The following CCDC71 variants were observed in gnomAD, a reference collection of about 807,000 sequenced individuals.
The protein encoded by CCDC71 is coiled-coil domain containing 71.
For synonymous variants in CCDC71, 257 were observed against 242.2 expected, an observed-to-expected ratio of 1.06 and a Z score of -0.57; for missense variants, 594 against 604.0, an observed-to-expected ratio of 0.98 and a Z score of 0.17.
Position 49,163,592 on chromosome 3 carries a change from G to C in CCDC71, c.617C>G (p.Ala206Gly), listed in dbSNP as rs1162762294. 5.0e-6 allele frequency: 8 copies of C among 1,614,242 alleles called. No homozygotes were observed. The highest frequency in any genetic ancestry group is 6.8e-6 in the Non-Finnish European group (8 of 1,180,044). ...HKAQSLQLSL[A>G]DSPLKLRKSS... ...TTTCCGCAGTTTCAGAGGAGAGTCT[G>C]CAAGTGAGAGCTGCAGTGACTGTGC... The change falls in exon 2 of 2, where the codon GCA becomes GGA. Residue 206 changes from alanine to glycine, a missense_variant. Coordinates refer to ENST00000321895, the MANE Select transcript of CCDC71 (RefSeq NM_022903.4).
In CCDC71 at chr3:49,163,913, G is replaced by A. The variant is rs2045708437; in HGVS notation, c.296C>T (p.Pro99Leu). The A allele has an allele frequency of 6.2e-7, 1 of 1,614,112 alleles. No individual in the cohort carries two copies. Among genetic ancestry groups the A allele is most frequent in the Non-Finnish European group, 8.5e-7 (1 of 1,180,052 alleles). ...CATGGCAGTTCGGGGAGCACTGGCT[G>A]GAGGTGATGTGGCAGTTGGGTTAGG... ...RAPNPTATSP[P>L]ASAPRTAMRL... The change falls in exon 2 of 2, where the codon CCA becomes CTA. Residue 99 changes from proline (P) to leucine (L), a missense_variant. Coordinates refer to ENST00000321895, the MANE Select transcript of CCDC71 (RefSeq NM_022903.4).
rs1018667917 is a variant in CCDC71 at position 49,166,235 on chromosome 3, G to C, written c.-53+32C>G. On this transcript the variant is annotated intron_variant, in intron 1 of 1. Coordinates refer to ENST00000321895, the MANE Select transcript of CCDC71 (RefSeq NM_022903.4). The surrounding 1 kb of genome is among the most constrained non-coding windows in gnomAD (Gnocchi z 4.0). ...CTGCCGCCTCGCGGGCCGCCCCTCC[G>C]CGGCGCGGCTAGGCCCGCGGCTCCA... 413 of 152,034 alleles carry C rather than the reference G, an allele frequency of 2.7e-3. 3 individuals are homozygous for C. The highest frequency in any genetic ancestry group is 9.3e-3 in the African/African-American group (385 of 41,530). The allele number at this position is 152,034 out of a possible 1,614,324, so 9.4% of individuals were successfully genotyped here.
Position 49,166,281 on chromosome 3 carries a change from G to A in CCDC71, c.-67C>T, listed in dbSNP as rs995534841. On this transcript the variant is annotated 5_prime_UTR_variant, in exon 1 of 2. Transcript: ENST00000321895. The surrounding 1 kb of genome is among the most constrained non-coding windows in gnomAD (Gnocchi z 4.0). ...CTCCAACCTACCGGCGCCGCCGCGGGGACCCAAGACGCGCCTCTGCGCCGC... is the reference window on the plus strand; with the variant it reads ...CTCCAACCTACCGGCGCCGCCGCGGAGACCCAAGACGCGCCTCTGCGCCGC... 1.3e-5 allele frequency: 2 copies of A among 152,124 alleles called. No individual in the cohort carries two copies. Among genetic ancestry groups the A allele is most frequent in the Admixed American group, 6.5e-5 (1 of 15,268 alleles). 9.4% of individuals were successfully genotyped at this position (152,124 alleles called of 1,614,324 possible).
intron 1 of CCDC71, among the ~76,000 whole-genome samples, chr3:49,164,764 A>G (rs1046996799): frequency 2.0e-4 from 31 of 152,228 alleles, no homozygotes; most frequent in African/African-American, 7.0e-4. Flanking sequence ...TGAATGAAAA[A>G]TGATTAGATG....
At position 49,162,808 on chromosome 3, in the gene CCDC71, G is replaced by A; in HGVS notation, c.1401C>T (p.Val467=). 6.2e-7 allele frequency: 1 copy of A among 1,612,906 alleles called. No individual in the cohort carries two copies. The highest frequency in any genetic ancestry group is 8.5e-7 in the Non-Finnish European group (1 of 1,179,228). The change falls in exon 2 of 2, where the codon GTC becomes GTT. Residue 467 remains valine (V), a synonymous_variant. Coordinates refer to ENST00000321895, the MANE Select transcript of CCDC71 (RefSeq NM_022903.4). ...CAAACATTGCCGTGTGAAGGAATCAGACTGCTGAATATGGCAGCAATGGCT... is the reference window on the plus strand; with the variant it reads ...CAAACATTGCCGTGTGAAGGAATCAAACTGCTGAATATGGCAGCAATGGCT... ...RLQPLLPYSA[V]
rs540954271 is a variant in CCDC71, at chr3:49,163,062, G to T, written c.1147C>A (p.Pro383Thr). The change falls in exon 2 of 2, where the codon CCT becomes ACT. Residue 383 changes from proline to threonine, a missense_variant. Transcript: ENST00000321895. Reference protein sequence around the residue: ...RTTRKGQKNRPETVGQKRKRA... With the variant: ...RTTRKGQKNRTETVGQKRKRA... Reference sequence around the variant, plus strand: ...TTCCTCTTCTGCCCAACAGTCTCAGGGCGGTTTTTCTGGCCCTTCCTTGTA... The same window carrying T: ...TTCCTCTTCTGCCCAACAGTCTCAGTGCGGTTTTTCTGGCCCTTCCTTGTA... The T allele has an allele frequency of 1.9e-6, 3 of 1,614,252 alleles. No homozygotes were observed. In the East Asian group the frequency reaches 6.7e-5, roughly 36 times the overall value.
rs1230904746 is a variant in CCDC71 at position 49,163,181 on chromosome 3, T to C, written c.1028A>G (p.Lys343Arg). 1 of 1,568,432 alleles carries C rather than the reference T, an allele frequency of 6.4e-7. No homozygotes were observed. The highest frequency in any genetic ancestry group is 2.3e-5 in the East Asian group (1 of 43,626). The part of the protein sequence containing the change: ...AKVMAAWAKA[K>R]AKAKAVRAKA... The stretch of plus-strand genomic sequence containing the variant: ...GGCCCGTACTGCCTTGGCTTTAGCC[T>C]TGGCCTTGGCCCATGCTGCCATGAC... Residue 343 changes from lysine to arginine, a missense_variant, in exon 2 of 2, where the codon AAG becomes AGG. Physicochemically the swap from Lys to Arg is conservative, Grantham distance 26. Coordinates refer to ENST00000321895, the MANE Select transcript of CCDC71 (RefSeq NM_022903.4).
Position 49,166,025 on chromosome 3 carries a change from G to A in CCDC71, c.-53+242C>T, listed in dbSNP as rs1051309110. ...CAGGCTGGGAATGCACGTCCTTAGG[G>A]CCCAAGCCGTGAGGCGGGGGTCACT... On this transcript the variant is annotated intron_variant, in intron 1 of 1. Transcript: ENST00000321895. This position sits in a 1 kb window ranked among gnomAD's most constrained non-coding sequence, Gnocchi z 4.0. 2.0e-5 allele frequency among the ~76,000 whole-genome samples: 3 copies of A among 152,168 alleles called. No homozygotes were observed. Among genetic ancestry groups the A allele is most frequent in the Non-Finnish European group, 2.9e-5 (2 of 68,002 alleles).
rs768141357 is a variant in CCDC71, at chr3:49,163,473, C to T, written c.736G>A (p.Ala246Thr). Residue 246 changes from alanine to threonine, a missense_variant, in exon 2 of 2, where the codon GCT becomes ACT. By Grantham distance (58) the Ala-to-Thr change is moderately conservative. Transcript: ENST00000321895. ...TGCCCAGAGCCTCGTCGGGGTCCAG[C>T]CCCAGGGCCTTTGCGAGTCAGACAC... ...PKCLTRKGPGAGPRRGSGHQS... is the reference protein window; with the variant it reads ...PKCLTRKGPGTGPRRGSGHQS... 1.9e-6 allele frequency: 3 copies of T among 1,614,266 alleles called. No homozygotes were observed. The highest frequency in any genetic ancestry group is 2.5e-6 in the Non-Finnish European group (3 of 1,180,050).
At position 49,162,718 on chromosome 3, in the gene CCDC71, T is replaced by C; in HGVS notation, c.*87A>G. The C allele has an allele frequency of 8.2e-7, 1 of 1,221,948 alleles. No individual in the cohort carries two copies. Among genetic ancestry groups the C allele is most frequent in the South Asian group, 1.4e-5 (1 of 71,162 alleles). 75.7% of individuals were successfully genotyped at this position (1,221,948 alleles called of 1,614,324 possible). ...AGAGAGGCACCGGGAGTCCTCAAGA[T>C]TGTGGAGTCCACGGACATAGCACAC... On this transcript the variant is annotated 3_prime_UTR_variant, in exon 2 of 2. Coordinates refer to ENST00000321895, the MANE Select transcript of CCDC71 (RefSeq NM_022903.4).
Position 49,163,516 on chromosome 3 carries a change from G to T in CCDC71, c.693C>A (p.Thr231=). 4 of 1,614,218 alleles carry T rather than the reference G, an allele frequency of 2.5e-6. No individual in the cohort carries two copies. The highest frequency in any genetic ancestry group is 3.4e-6 in the Non-Finnish European group (4 of 1,180,022). Residue 231 remains threonine (T), a synonymous_variant, in exon 2 of 2, where the codon ACC becomes ACA. Transcript: ENST00000321895. ...GNPRPKAPRK[T]TSKGPKCLTR... ...TCAGACACTTGGGGCCCTTGCTTGTGGTTTTTCTGGGAGCTTTGGGCCGAG... is the reference window on the plus strand; with the variant it reads ...TCAGACACTTGGGGCCCTTGCTTGTTGTTTTTCTGGGAGCTTTGGGCCGAG...
rs373036352 is a variant in CCDC71 at position 49,163,281 on chromosome 3, G to A, written c.928C>T (p.Arg310Trp). 2.2e-5 allele frequency: 35 copies of A among 1,589,910 alleles called. No individual in the cohort carries two copies. Among genetic ancestry groups the A allele is most frequent in the Admixed American group, 1.0e-4 (6 of 58,766 alleles). The change falls in exon 2 of 2, where the codon CGG (arginine) becomes TGG (tryptophan). Residue 310 changes from arginine (R) to tryptophan (W), a missense_variant. Arg to Trp is a moderately radical substitution (Grantham distance 101). Transcript: ENST00000321895. ...ARTQAKAAKARAKAKAAQVKA... is the reference protein window; with the variant it reads ...ARTQAKAAKAWAKAKAAQVKA... ...ACCTGTGCTGCCTTGGCCTTGGCCC[G>A]GGCCTTAGCAGCCTTGGCCTGTGTT... is the stretch of plus-strand genomic sequence containing the variant.
In CCDC71 at chr3:49,163,460, C is replaced by G; in HGVS notation, c.749G>C (p.Arg250Pro). The G allele has an allele frequency of 1.2e-6, 2 of 1,614,234 alleles. No homozygotes were observed. The highest frequency in any genetic ancestry group is 1.7e-6 in the Non-Finnish European group (2 of 1,180,048). ...TRKGPGAGPR[R>P]GSGHQSKTNR... ...GGTTTTGCTCTGGTGCCCAGAGCCT[C>G]GTCGGGGTCCAGCCCCAGGGCCTTT... Residue 250 changes from arginine (R) to proline (P), a missense_variant, in exon 2 of 2, where the codon CGA becomes CCA. Physicochemically the swap from Arg to Pro is moderately radical, Grantham distance 103 (BLOSUM62 -2). Coordinates refer to ENST00000321895, the MANE Select transcript of CCDC71 (RefSeq NM_022903.4).
In CCDC71 at chr3:49,162,954, C is replaced by T; in HGVS notation, c.1255G>A (p.Gly419Arg). The T allele has an allele frequency of 6.2e-7, 1 of 1,614,276 alleles. No homozygotes were observed. The highest frequency in any genetic ancestry group is 8.5e-7 in the Non-Finnish European group (1 of 1,180,048). Residue 419 changes from glycine to arginine, a missense_variant, in exon 2 of 2, where the codon GGA (glycine) becomes AGA (arginine). Transcript: ENST00000321895. ...CGGAACTTCAGCAGCTTTGCTGTTCCAGGCCCTAGCCATGCCTTAGGAGAT... is the reference window on the plus strand; with the variant it reads ...CGGAACTTCAGCAGCTTTGCTGTTCTAGGCCCTAGCCATGCCTTAGGAGAT... ...PRSPKAWLGPGTAKLLKFRAI... is the reference protein window; with the variant it reads ...PRSPKAWLGPRTAKLLKFRAI...
intron 1 of CCDC71, among the ~76,000 whole-genome samples, chr3:49,165,642 AG>A (rs2045718989): frequency 6.6e-6 from 1 of 152,270 alleles, no homozygotes; most frequent in Non-Finnish European, 1.5e-5. Flanking sequence ...TCCCCTCCCC[AG>A]AGACCGTTCT....
chr3:49,165,016 G>A (rs1207861392), intron 1 of CCDC71, among the ~76,000 whole-genome samples: 2 of 152,208 alleles, frequency 1.3e-5, no homozygotes, highest in Non-Finnish European at 2.9e-5. Context: ...CTGCCCACCA[G>A]AAGTTCTGTT....
rs918183468 is a variant in CCDC71, at chr3:49,162,888, G to A, written c.1321C>T (p.Arg441Trp). 1.2e-6 allele frequency: 2 copies of A among 1,614,200 alleles called. No homozygotes were observed. The highest frequency in any genetic ancestry group is 1.7e-6 in the Non-Finnish European group (2 of 1,180,048). Residue 441 changes from arginine to tryptophan, a missense_variant, in exon 2 of 2, where the codon CGG becomes TGG. By Grantham distance (101) the Arg-to-Trp change is moderately radical. Coordinates refer to ENST00000321895, the MANE Select transcript of CCDC71 (RefSeq NM_022903.4). ...VDRRSSDDEVRQRAQRILRVN... is the reference protein window; with the variant it reads ...VDRRSSDDEVWQRAQRILRVN... ...CGGAGGATCCGCTGAGCCCGCTGCC[G>A]CACCTCATCATCCGAGGACCGCCTA...
intron 1 of CCDC71, among the ~76,000 whole-genome samples, chr3:49,164,923 A>C (rs955401539): frequency 6.6e-6 from 1 of 152,178 alleles, no homozygotes; most frequent in East Asian, 1.9e-4. Flanking sequence ...AAGGGCCCAG[A>C]CTTACACCCA....
At position 49,163,226 on chromosome 3, in the gene CCDC71, T is replaced by C. The variant is rs769666957; in HGVS notation, c.983A>G (p.Gln328Arg). Residue 328 changes from glutamine (Q) to arginine (R), a missense_variant, in exon 2 of 2, where the codon CAG (glutamine) becomes CGG (arginine). Physicochemically the swap from Gln to Arg is conservative, Grantham distance 43 (BLOSUM62 1). Transcript: ENST00000321895. Reference protein sequence around the residue: ...VKAKAKAKAAQVKAKAKVMAA... With the variant: ...VKAKAKAKAARVKAKAKVMAA... ...CATGACTTTGGCCTTGGCCTTGACC[T>C]GTGCTGCCTTAGCTTTGGCCTTAGC... 1 of 1,570,798 alleles carries C rather than the reference T, an allele frequency of 6.4e-7. No homozygotes were observed. Among genetic ancestry groups the C allele is most frequent in the Non-Finnish European group, 8.7e-7 (1 of 1,148,212 alleles).
Sources: allele counts gnomAD v4.1 joint callset (sites outside exome capture counted in the v4.1 genomes callset), GRCh38; gene constraint gnomAD v4.1.1; non-coding constraint Gnocchi (gnomAD v3.1); transcripts MANE v1.5; gene names NCBI Gene and HGNC (gene_info 2026-07-23, HGNC 2026-07-21).